GALNT18: variants seen among roughly 807,000 people sequenced by gnomAD.
GALNT18 encodes the protein GalNAc-transferase 18.
Under a neutral mutation model 69.5 loss-of-function variants are expected in GALNT18, and 44 were observed. The observed-to-expected ratio is 0.63, with a 90% CI of 0.50 to 0.81. GALNT18 has a LOEUF of 0.81. Among genes scored for constraint, GALNT18 ranks in the 40% least tolerant of loss-of-function variants. The pLI, the probability that GALNT18 is intolerant of heterozygous loss-of-function variation, is 0.00. For missense variants in GALNT18, 715 were observed against 810.0 expected (o/e 0.88, Z 1.42); for synonymous variants, 364 against 318.2 (o/e 1.14, Z -1.53).
chr11:11,509,015 C>T (rs1857121167), intron 1 of GALNT18, among the ~76,000 whole-genome samples: 1 of 152,162 alleles, frequency 6.6e-6, no homozygotes, highest in African/African-American at 2.4e-5. Flanking sequence ...CAGCTCCCAC[C>T]CCTCTCCCAT....
rs1350616752 is a variant in GALNT18 at position 11,387,211 on chromosome 11, C to T, written c.596-7947G>A. ...GCCCCATCTTGCTGCCCTCAGTTGCCGGTCCTTCCCTTTCCAGCTGCTTTT... is the reference window on the plus strand; with the variant it reads ...GCCCCATCTTGCTGCCCTCAGTTGCTGGTCCTTCCCTTTCCAGCTGCTTTT... On this transcript the variant is annotated intron_variant, in intron 3 of 10. Coordinates refer to ENST00000227756, the MANE Select transcript of GALNT18 (RefSeq NM_198516.3). The surrounding 1 kb of genome is among the most constrained non-coding windows in gnomAD (Gnocchi z 4.6). Among the ~76,000 whole-genome samples, 4 of 152,278 alleles carry T rather than the reference C, an allele frequency of 2.6e-5. No homozygotes were observed. The highest frequency in any genetic ancestry group is 2.1e-4 in the South Asian group (1 of 4,822).
intron 1 of GALNT18, among the ~76,000 whole-genome samples, chr11:11,594,217 A>C (rs775563593): frequency 1.3e-4 from 20 of 152,232 alleles, no homozygotes; most frequent in Non-Finnish European, 1.0e-4. Context: ...TCTTAAATGC[A>C]GAAATGCTTT....
chr11:11,585,879 C>A (rs1457114980), intron 1 of GALNT18, among the ~76,000 whole-genome samples: 1 of 144,652 alleles, frequency 6.9e-6, no homozygotes, highest in Non-Finnish European at 1.5e-5. Flanking sequence ...CACCCACACA[C>A]AAAAGAAGTC....
chr11:11,515,662 C>G (rs1857258852), intron 1 of GALNT18, among the ~76,000 whole-genome samples: 2 of 152,226 alleles, frequency 1.3e-5, no homozygotes, highest in South Asian at 4.1e-4. Flanking sequence ...CACGGGCTCT[C>G]TGATGGCGGT....
chr11:11,495,593 G>T (rs1590051806), intron 1 of GALNT18, among the ~76,000 whole-genome samples: 1 of 152,222 alleles, frequency 6.6e-6, no homozygotes, highest in Non-Finnish European at 1.5e-5. Context: ...AAAGTCACGT[G>T]TGGCAGCCTC....
intron 1 of GALNT18, among the ~76,000 whole-genome samples, chr11:11,455,240 T>A (rs1243382163): frequency 6.6e-6 from 1 of 152,230 alleles, no homozygotes. Context: ...ATATTAAGAT[T>A]ACTCAGATGT....
chr11:11,516,743 A>C (rs1857285539), intron 1 of GALNT18, among the ~76,000 whole-genome samples: 1 of 152,218 alleles, frequency 6.6e-6, no homozygotes, highest in Non-Finnish European at 1.5e-5. Flanking sequence ...GACAGGGCCA[A>C]ACACCCAGAA....
chr11:11,471,762 G>C lies in GALNT18; in HGVS notation c.236-22826C>G, dbSNP rs562910779. Among the ~76,000 whole-genome samples, 271 of 152,348 alleles carry C rather than the reference G, an allele frequency of 1.8e-3. 1 individual carries two copies. Among genetic ancestry groups the C allele is most frequent in the African/African-American group, 6.4e-3 (266 of 41,586 alleles). ...GCAAGAAAATAAGGTAGGCAGGATAGAAATTCTGTAGTACTTTTCTGATAT... is the reference window on the plus strand; with the variant it reads ...GCAAGAAAATAAGGTAGGCAGGATACAAATTCTGTAGTACTTTTCTGATAT... On this transcript the variant is annotated intron_variant, in intron 1 of 10. Coordinates refer to ENST00000227756, the MANE Select transcript of GALNT18 (RefSeq NM_198516.3).
chr11:11,386,414 T>C (rs1854057337), intron 3 of GALNT18, among the ~76,000 whole-genome samples: 1 of 140,710 alleles, frequency 7.1e-6, no homozygotes, highest in South Asian at 2.2e-4. Flanking sequence ...CCCTGGCTTC[T>C]GGGAAAGCTA....
rs1859155704 is a variant in GALNT18, at chr11:11,584,018, G to C, written c.235+37341C>G. ...TTGTGAGGACATAGGAATTCGAAAA[G>C]GAATGGCATCATGAGCTGGGCTGGC... On this transcript the variant is annotated intron_variant, in intron 1 of 10. Transcript: ENST00000227756. This position sits in a 1 kb window ranked among gnomAD's most constrained non-coding sequence, Gnocchi z 4.1. 6.6e-6 allele frequency among the ~76,000 whole-genome samples: 1 copy of C among 152,074 alleles called. No homozygotes were observed. The highest frequency in any genetic ancestry group is 2.1e-4 in the South Asian group (1 of 4,802).
At chr11:11,498,805 A>G (rs192398862) in intron 1 of GALNT18, among the ~76,000 whole-genome samples, 51 of 152,358 alleles carry the variant, frequency 3.3e-4, no homozygotes, top group Non-Finnish European at 6.2e-4. Flanking sequence ...TCTCAAAAAA[A>G]TAAATAAATA....
chr11:11,500,501 C>T lies in GALNT18; in HGVS notation c.236-51565G>A, dbSNP rs771231404. On this transcript the variant is annotated intron_variant, in intron 1 of 10. Transcript: ENST00000227756. The surrounding 1 kb of genome is among the most constrained non-coding windows in gnomAD (Gnocchi z 5.0). ...CATGTCTGGAGATGTTTTTGGTTGT[C>T]ACATCGTGGTGGGTGGATGGAGATG... Among the ~76,000 whole-genome samples the T allele has an allele frequency of 1.1e-4, 16 of 152,114 alleles. No individual in the cohort carries two copies. The highest frequency in any genetic ancestry group is 2.2e-4 in the Non-Finnish European group (15 of 68,008).
intron 10 of GALNT18, among the ~76,000 whole-genome samples, chr11:11,283,285 T>G (rs1231789900): frequency 1.3e-5 from 2 of 152,172 alleles, no homozygotes; most frequent in East Asian, 3.8e-4. Flanking sequence ...TAGCTGGGAT[T>G]ACAGACATGC....
chr11:11,391,288 T>C (rs972201230), intron 3 of GALNT18, among the ~76,000 whole-genome samples: 1 of 152,246 alleles, frequency 6.6e-6, no homozygotes, highest in African/African-American at 2.4e-5. Flanking sequence ...TCCTAAGATC[T>C]TTATTTGTAT....
chr11:11,526,125 C>G (rs1857519120), intron 1 of GALNT18, among the ~76,000 whole-genome samples: 1 of 152,100 alleles, frequency 6.6e-6, no homozygotes, highest in Non-Finnish European at 1.5e-5. Flanking sequence ...GAAAAGAGAG[C>G]AATGGCATTT....
chr11:11,585,489 G>A (rs1406853561), intron 1 of GALNT18, among the ~76,000 whole-genome samples: 1 of 151,954 alleles, frequency 6.6e-6, no homozygotes, highest in Non-Finnish European at 1.5e-5. Flanking sequence ...CGGAGTAGCT[G>A]GGATTACAGG....
At chr11:11,448,678 A>T (rs1855716996) in intron 2 of GALNT18, 66 bp downstream of exon 2, 6 of 1,396,636 alleles carry the variant, frequency 4.3e-6, no homozygotes, top group Non-Finnish European at 5.9e-6. Context: ...CTCTGTTCCC[A>T]GCACTCTGGG....
intron 9 of GALNT18, among the ~76,000 whole-genome samples, chr11:11,324,171 G>A (rs926180383): frequency 4.7e-5 from 7 of 148,914 alleles, no homozygotes; most frequent in African/African-American, 1.7e-4. Context: ...CTCCAGAACT[G>A]TGAGAAAATA....
rs76155264 is a variant in GALNT18 at position 11,337,546 on chromosome 11, A to T, written c.1278+3273T>A. On this transcript the variant is annotated intron_variant, in intron 7 of 10. Transcript: ENST00000227756. The surrounding 1 kb of genome is among the most constrained non-coding windows in gnomAD (Gnocchi z 4.9). ...AATGAGAGGGAGACTTTTAGATAAC[A>T]GAACACTCTTTCACAGGCTGGTCAT... Among the ~76,000 whole-genome samples the T allele has an allele frequency of 0.019, 2,824 of 152,274 alleles. 52 individuals are homozygous for T. Among genetic ancestry groups the T allele is most frequent in the Middle Eastern group, 0.051 (15 of 294 alleles).
Sources: allele counts gnomAD v4.1 joint callset (sites outside exome capture counted in the v4.1 genomes callset), GRCh38; gene constraint gnomAD v4.1.1; non-coding constraint Gnocchi (gnomAD v3.1); transcripts MANE v1.5; gene names NCBI Gene and HGNC (gene_info 2026-07-23, HGNC 2026-07-21).